The following TENM2 variants were observed in gnomAD, a reference collection of about 807,000 sequenced individuals.
The protein encoded by TENM2 is teneurin transmembrane protein 2, also known as teneurin-2.
In TENM2, 52 loss-of-function variants were observed where a neutral mutation model predicts 245.2. The observed-to-expected ratio is 0.21, with a 90% CI of 0.17 to 0.27. TENM2 has a LOEUF of 0.27. TENM2 is among the 10% of genes least tolerant of loss of function. The pLI, the probability that TENM2 is intolerant of heterozygous loss-of-function variation, is 1.00. For missense variants in TENM2, 3,046 were observed against 3,666.8 expected (o/e 0.83, Z 4.37); for synonymous variants, 1,363 against 1,438.9 (o/e 0.95, Z 1.19).
chr5:167,044,081 GA>G, the TENM2 span, among the ~76,000 whole-genome samples: 6 of 147,934 alleles, frequency 4.1e-5, no homozygotes, highest in African/African-American at 1.5e-4. Flanking sequence ...AGGAAGGAAG[GA>G]AAGACTGTTC....
At chr5:167,231,879 C>T in the TENM2 span, among the ~76,000 whole-genome samples, 1 of 152,098 alleles carries the variant, frequency 6.6e-6, no homozygotes. Context: ...TTTTATGGGC[C>T]GGCCCCGGGC....
chr5:167,685,514 A>G (rs935588991), intron 2 of TENM2, among the ~76,000 whole-genome samples: 41 of 152,114 alleles, frequency 2.7e-4, no homozygotes, highest in African/African-American at 9.4e-4. Context: ...GTGGGAGGAA[A>G]TGTATTTTCA....
intron 3 of TENM2, among the ~76,000 whole-genome samples, chr5:167,944,463 C>A (rs1437556594): frequency 6.6e-6 from 1 of 151,178 alleles, no homozygotes; most frequent in Non-Finnish European, 1.5e-5. Context: ...CTGCAGGGGA[C>A]CTGCTTCAGG....
intron 2 of TENM2, among the ~76,000 whole-genome samples, chr5:167,658,195 A>T (rs888475303): frequency 6.6e-6 from 1 of 151,800 alleles, no homozygotes; most frequent in African/African-American, 2.4e-5. Context: ...AGAAAGGCCA[A>T]ATGCTGTGCG....
intron 4 of TENM2, among the ~76,000 whole-genome samples, chr5:167,979,621 G>A (rs1782685320): frequency 6.6e-6 from 1 of 152,086 alleles, no homozygotes; most frequent in Admixed American, 6.6e-5. Flanking sequence ...AATCAAAAAT[G>A]CATTATCCCA....
chr5:167,845,242 CACA>C (rs1769934363), intron 2 of TENM2, among the ~76,000 whole-genome samples: 2 of 2,020 alleles, frequency 9.9e-4, no homozygotes, highest in African/African-American at 1.7e-3. Context: ...TCCCGCGCCA[CACA>C]CACACACACA....
intron 2 of TENM2, among the ~76,000 whole-genome samples, chr5:167,840,943 GCAA>G (rs1332105470): frequency 2.0e-5 from 3 of 152,110 alleles, no homozygotes; most frequent in African/African-American, 7.2e-5. Flanking sequence ...CAGAGACCTT[GCAA>G]CATCACTTTT....
chr5:167,628,310 C>T (rs1778647564), intron 2 of TENM2, among the ~76,000 whole-genome samples: 1 of 152,148 alleles, frequency 6.6e-6, no homozygotes, highest in Admixed American at 6.5e-5. Flanking sequence ...TTCTCCCTGC[C>T]CTATTCAAAA....
chr5:167,160,489 G>A, the TENM2 span, among the ~76,000 whole-genome samples: 2 of 152,256 alleles, frequency 1.3e-5, no homozygotes, highest in Non-Finnish European at 2.9e-5. Context: ...TCCTTTAAGG[G>A]AAGTCAGCAT....
chr5:167,838,765 A>C (rs1769228603), intron 2 of TENM2, among the ~76,000 whole-genome samples: 1 of 152,202 alleles, frequency 6.6e-6, no homozygotes, highest in African/African-American at 2.4e-5. Flanking sequence ...CTATACAGGA[A>C]AAAAGAGGAT....
Position 168,053,103 on chromosome 5 carries a change from G to A in TENM2, c.1309+5554G>A, listed in dbSNP as rs1478389619. Among the ~76,000 whole-genome samples the A allele has an allele frequency of 2.0e-5, 3 of 152,098 alleles. No homozygotes were observed. The South Asian group carries it at 6.2e-4, about 32-fold the overall frequency. On this transcript the variant is annotated intron_variant, in intron 6 of 28. Coordinates refer to ENST00000518659, the Ensembl canonical transcript of TENM2. ...TCCAAAGTCGGTGAAGTTCCCAGAAGGGCAAAGGGTCATTATGTTTGAGCC... is the reference window on the plus strand; with the variant it reads ...TCCAAAGTCGGTGAAGTTCCCAGAAAGGCAAAGGGTCATTATGTTTGAGCC...
the TENM2 span, among the ~76,000 whole-genome samples, chr5:167,214,254 A>G: frequency 6.6e-6 from 1 of 152,148 alleles, no homozygotes; most frequent in Non-Finnish European, 1.5e-5. Flanking sequence ...ACCATGACCA[A>G]TTTCAGGCTG....
At chr5:168,117,961 CCT>C (rs1435616639) in intron 9 of TENM2, among the ~76,000 whole-genome samples, 1 of 152,176 alleles carries the variant, frequency 6.6e-6, no homozygotes, top group Non-Finnish European at 1.5e-5. Flanking sequence ...CGTCACTTCC[CCT>C]GTCTGAGCCT....
intron 25 of TENM2, among the ~76,000 whole-genome samples, chr5:168,238,208 AGGG>A (rs1765705847): frequency 5.3e-5 from 5 of 94,838 alleles, no homozygotes; most frequent in African/African-American, 1.8e-4. Context: ...GGAGGGAGGG[AGGG>A]AGGGAGAGAG....
the TENM2 span, among the ~76,000 whole-genome samples, chr5:167,256,793 G>GA: frequency 6.6e-6 from 1 of 151,918 alleles, no homozygotes; most frequent in African/African-American, 2.4e-5. Context: ...AAGAAATTTA[G>GA]AAAAAATACA....
chr5:168,227,940 G>C, exon 25 of TENM2: 1 of 1,613,286 alleles, frequency 6.2e-7, no homozygotes, highest in East Asian at 2.2e-5. Context: ...GGTACCCTGA[G>C]GGTGATGTAT....
chr5:167,482,182 G>A (rs1767795801), intron 2 of TENM2, among the ~76,000 whole-genome samples: 1 of 152,154 alleles, frequency 6.6e-6, no homozygotes, highest in African/African-American at 2.4e-5. Context: ...ACCTGGATAT[G>A]ATGAATAAAC....
At chr5:168,200,182 A>T (rs1761809960) in intron 17 of TENM2, 51 bp downstream of exon 19, 1 of 1,532,196 alleles carries the variant, frequency 6.5e-7, no homozygotes, top group South Asian at 1.2e-5. Context: ...GTCATGTGTT[A>T]ATTCGACCCA....
intron 12 of TENM2, among the ~76,000 whole-genome samples, chr5:168,155,427 T>C (rs1757072151): frequency 1.3e-5 from 2 of 151,332 alleles, no homozygotes; most frequent in Non-Finnish European, 2.9e-5. Context: ...CATAATTAAG[T>C]TAATATTCAA....
Sources: gnomAD v4.1 joint callset for allele counts (sites outside exome capture counted in the v4.1 genomes callset) on GRCh38, gnomAD v4.1.1 for gene constraint, MANE v1.5 for transcripts, NCBI Gene and HGNC (gene_info 2026-07-23, HGNC 2026-07-21) for gene names.